The following FOXRED1 variants were observed in gnomAD, a reference collection of about 807,000 sequenced individuals.
FOXRED1 encodes the protein FAD dependent oxidoreductase domain containing 1.
In FOXRED1, 52 loss-of-function variants were observed where a neutral mutation model predicts 57.8. That is an observed-to-expected ratio of 0.90 (90% confidence interval 0.72 to 1.13). The LOEUF (loss-of-function observed/expected upper bound fraction) is 1.13. FOXRED1 is among the 50% of genes most tolerant of loss of function. FOXRED1 has a pLI of 0.00. For synonymous variants in FOXRED1, 271 were observed against 248.3 expected (o/e 1.09, Z -0.86); for missense variants, 589 against 625.2 (o/e 0.94, Z 0.62).
chr11:126,275,998 C>G lies in FOXRED1; in HGVS notation c.811-61C>G. 1 of 1,605,056 alleles carries G rather than the reference C, an allele frequency of 6.2e-7. No individual in the cohort carries two copies. The highest frequency in any genetic ancestry group is 8.5e-7 in the Non-Finnish European group (1 of 1,172,592). ...AACTAAGGCTCAGGAAGCAGTGCAT[C>G]TCTCAGGGTGCCTGGTGTGTGGTCC... On this transcript the variant is annotated intron_variant, in intron 7 of 10. Transcript: ENST00000263578. The surrounding 1 kb of genome is among the most constrained non-coding windows in gnomAD (Gnocchi z 5.9).
chr11:126,276,248 T>G (rs1188841074), intron 8 of FOXRED1, 29 bp downstream of exon 8: 11 of 1,098,820 alleles, frequency 1.0e-5, no homozygotes, highest in Admixed American at 3.9e-5. Flanking sequence ...GCTGAGGAGG[T>G]TGGTGAGAAA....
Position 126,272,428 on chromosome 11 carries a change from G to T in FOXRED1, c.307-541G>T. The T allele has an allele frequency of 1.4e-5, 3 of 210,440 alleles. No homozygotes were observed. Among genetic ancestry groups the T allele is most frequent in the Non-Finnish European group, 2.9e-5 (3 of 103,454 alleles). 13.0% of individuals were successfully genotyped at this position (210,440 alleles called of 1,614,324 possible). A position where few individuals can be genotyped will look rare whatever the true frequency, so the allele number is the denominator to read the frequency against. ...CCACCTTAGCCTCCAGAGTAGCTGG[G>T]ACCACAGGCATGCACCACCACACCT... On this transcript the variant is annotated intron_variant, in intron 2 of 10. Coordinates refer to ENST00000263578, the MANE Select transcript of FOXRED1 (RefSeq NM_017547.4). This position sits in a 1 kb window ranked among gnomAD's most constrained non-coding sequence, Gnocchi z 4.6.
chr11:126,273,004 GA>G lies in FOXRED1; in HGVS notation c.343del (p.Ile115PhefsTer30). 1 of 1,607,726 alleles carries G rather than the reference GA, an allele frequency of 6.2e-7. No homozygotes were observed. The highest frequency in any genetic ancestry group is 2.2e-5 in the East Asian group (1 of 44,866). On this transcript the variant is annotated frameshift_variant, in exon 3 of 11. Transcript: ENST00000263578. LOFTEE classifies it high-confidence loss of function. This position sits in a 1 kb window ranked among gnomAD's most constrained non-coding sequence, Gnocchi z 5.9. ...CCTCCACTGGGCTCTCAGTAGGTGG[GA>G]TTTGTCAGCAGTTCTCATTGCCTGA... ...QASTGLSVGG[I>X]CQQFSLPENI... is the part of the protein sequence containing the mutation.
At position 126,277,757 on chromosome 11, in the gene FOXRED1, T is replaced by A. The variant is rs1282423515; in HGVS notation, c.*68T>A. 6.5e-7 allele frequency: 1 copy of A among 1,546,726 alleles called. No homozygotes were observed. Among genetic ancestry groups the A allele is most frequent in the East Asian group, 2.2e-5 (1 of 44,572 alleles). On this transcript the variant is annotated 3_prime_UTR_variant, in exon 11 of 11. Coordinates refer to ENST00000263578, the MANE Select transcript of FOXRED1 (RefSeq NM_017547.4). The surrounding 1 kb of genome is among the most constrained non-coding windows in gnomAD (Gnocchi z 6.8). ...TGTGTTCACAGCCTTGTTTGCTGCTTCCATCTTCCCCAGTACTGTGCCAGG... is the reference window on the plus strand; with the variant it reads ...TGTGTTCACAGCCTTGTTTGCTGCTACCATCTTCCCCAGTACTGTGCCAGG...
chr11:126,270,206 C>T (rs939458115), intron 1 of FOXRED1, among the ~76,000 whole-genome samples: 1 of 152,112 alleles, frequency 6.6e-6, no homozygotes, highest in African/African-American at 2.4e-5. Flanking sequence ...CAAAAGCCAT[C>T]TAGATAGACG....
In FOXRED1 at chr11:126,275,511, G is replaced by T. The variant is rs544941579; in HGVS notation, c.733+83G>T. The stretch of plus-strand genomic sequence containing the variant: ...CTTCTCACTCACAAGCTAAGCAAGG[G>T]CTGGAGGGGGAAAGGGGTCTCCCTG... On this transcript the variant is annotated intron_variant, in intron 6 of 10. Coordinates refer to ENST00000263578, the MANE Select transcript of FOXRED1 (RefSeq NM_017547.4). This position sits in a 1 kb window ranked among gnomAD's most constrained non-coding sequence, Gnocchi z 5.9. 2.1e-4 allele frequency: 221 copies of T among 1,041,220 alleles called. 2 individuals are homozygous for T. In the South Asian group the frequency reaches 2.7e-3, roughly 13 times the overall value. 64.5% of individuals were successfully genotyped at this position (1,041,220 alleles called of 1,614,324 possible). A position where few individuals can be genotyped will look rare whatever the true frequency, so the allele number is the denominator to read the frequency against.
Position 126,272,601 on chromosome 11 carries a change from C to A in FOXRED1, c.307-368C>A. ...GCCACCCACCCGGCTGGTTTTTACA[C>A]TTTAGGTGTTCCTGTTTGCATTGCC... On this transcript the variant is annotated intron_variant, in intron 2 of 10. Transcript: ENST00000263578. This position sits in a 1 kb window ranked among gnomAD's most constrained non-coding sequence, Gnocchi z 4.6. The A allele has an allele frequency of 2.9e-6, 1 of 350,540 alleles. No homozygotes were observed. The highest frequency in any genetic ancestry group is 5.5e-6 in the Non-Finnish European group (1 of 182,584). The allele number at this position is 350,540 out of a possible 1,614,324, so 21.7% of individuals were successfully genotyped here. A position where few individuals can be genotyped will look rare whatever the true frequency, so the allele number is the denominator to read the frequency against.
chr11:126,271,314 C>T lies in FOXRED1; in HGVS notation c.86-123C>T. The T allele has an allele frequency of 1.3e-6, 1 of 751,178 alleles. No individual in the cohort carries two copies. The highest frequency in any genetic ancestry group is 2.4e-6 in the Non-Finnish European group (1 of 417,358). The allele number at this position is 751,178 out of a possible 1,614,324, so 46.5% of individuals were successfully genotyped here. ...GTGCAAGGTGACCTTATGAGATGGG[C>T]TGACAGTGGGGACTGCCAACTCATG... On this transcript the variant is annotated intron_variant, in intron 1 of 10. Transcript: ENST00000263578. This position sits in a 1 kb window ranked among gnomAD's most constrained non-coding sequence, Gnocchi z 5.3.
rs371378786 is a variant in FOXRED1, at chr11:126,278,126, C to T, written c.*437C>T. On this transcript the variant is annotated 3_prime_UTR_variant, in exon 11 of 11. Transcript: ENST00000263578. The surrounding 1 kb of genome is among the most constrained non-coding windows in gnomAD (Gnocchi z 4.8). ...AATCAATACATGTAATTAACTCCTT[C>T]CCTCCAGTCTTCTGTCTCTTCTTTT... The T allele has an allele frequency of 2.2e-6, 1 of 458,936 alleles. No homozygotes were observed. The highest frequency in any genetic ancestry group is 1.5e-5 in the South Asian group (1 of 64,526). The allele number at this position is 458,936 out of a possible 1,614,324, so 28.4% of individuals were successfully genotyped here. A position where few individuals can be genotyped will look rare whatever the true frequency, so the allele number is the denominator to read the frequency against.
chr11:126,271,334 C>T lies in FOXRED1; in HGVS notation c.86-103C>T, dbSNP rs896286954. The stretch of plus-strand genomic sequence containing the variant: ...ATGGGCTGACAGTGGGGACTGCCAA[C>T]TCATGTGTCTGTTTAGCTCACCTTT... On this transcript the variant is annotated intron_variant, in intron 1 of 10. Coordinates refer to ENST00000263578, the MANE Select transcript of FOXRED1 (RefSeq NM_017547.4). This position sits in a 1 kb window ranked among gnomAD's most constrained non-coding sequence, Gnocchi z 5.3. 2 of 844,938 alleles carry T rather than the reference C, an allele frequency of 2.4e-6. No individual in the cohort carries two copies. Among genetic ancestry groups the T allele is most frequent in the African/African-American group, 3.3e-5 (2 of 60,402 alleles). The allele number at this position is 844,938 out of a possible 1,614,324, so 52.3% of individuals were successfully genotyped here.
rs754761356 is a variant in FOXRED1, at chr11:126,274,975, C to T, written c.585C>T (p.Asn195=). ...VSLMSPDQLR[N]KFPWINTEGV... ...TGATGTCTCCTGATCAGCTTCGGAA[C>T]AAGTTTCCCTGGATAAACACAGAGG... Residue 195 remains asparagine (N), a synonymous_variant, in exon 5 of 11, where the codon AAC becomes AAT. Coordinates refer to ENST00000263578, the MANE Select transcript of FOXRED1 (RefSeq NM_017547.4). This position sits in a 1 kb window ranked among gnomAD's most constrained non-coding sequence, Gnocchi z 4.8. The T allele has an allele frequency of 1.2e-6, 2 of 1,613,830 alleles. No homozygotes were observed. Among genetic ancestry groups the T allele is most frequent in the South Asian group, 1.1e-5 (1 of 91,076 alleles).
At position 126,273,070 on chromosome 11, in the gene FOXRED1, G is replaced by T. The variant is rs1334868404; in HGVS notation, c.408G>T (p.Arg136=). The T allele has an allele frequency of 1.3e-6, 2 of 1,552,790 alleles. No individual in the cohort carries two copies. Among genetic ancestry groups the T allele is most frequent in the African/African-American group, 2.7e-5 (2 of 73,752 alleles). Residue 136 remains arginine, a synonymous_variant, in exon 3 of 11, where the codon CGG becomes CGT. Transcript: ENST00000263578. This position sits in a 1 kb window ranked among gnomAD's most constrained non-coding sequence, Gnocchi z 5.9. ...CCCTCTTTTCAGCCAGCTTTCTACGGAACATCAATGTAGGTGCAATGATAT... is the reference window on the plus strand; with the variant it reads ...CCCTCTTTTCAGCCAGCTTTCTACGTAACATCAATGTAGGTGCAATGATAT... The part of the protein sequence containing the change: ...QLSLFSASFL[R]NINEYLAVVD...
intron 9 of FOXRED1, 119 bp downstream of exon 9, chr11:126,276,642 A>C (rs1333134711): frequency 2.7e-6 from 3 of 1,113,390 alleles, no homozygotes; most frequent in Non-Finnish European, 4.0e-6. Flanking sequence ...TTGGGAGGCC[A>C]AGGCAGGTGG....
Position 126,275,804 on chromosome 11 carries a change from T to C in FOXRED1, c.744T>C (p.Ser248=), listed in dbSNP as rs1265292414. 2 of 1,611,004 alleles carry C rather than the reference T, an allele frequency of 1.2e-6. No homozygotes were observed. Among genetic ancestry groups the C allele is most frequent in the Admixed American group, 1.7e-5 (1 of 60,020 alleles). The part of the protein sequence containing the change: ...FCQGEVTRFV[S]SSQRMLTTDD... ...TTTTCTTCTCTGCAGGTTTTGTCTCTTCATCTCAACGCATGTTGACCACAG... is the reference window on the plus strand; with the variant it reads ...TTTTCTTCTCTGCAGGTTTTGTCTCCTCATCTCAACGCATGTTGACCACAG... Residue 248 remains serine (S), a synonymous_variant, in exon 7 of 11, where the codon TCT becomes TCC. Transcript: ENST00000263578. This position sits in a 1 kb window ranked among gnomAD's most constrained non-coding sequence, Gnocchi z 5.9.
At position 126,277,641 on chromosome 11, in the gene FOXRED1, T is replaced by G. The variant is rs1064796894; in HGVS notation, c.1413T>G (p.Phe471Leu). The G allele has an allele frequency of 5.6e-6, 9 of 1,613,780 alleles. No homozygotes were observed. Among genetic ancestry groups the G allele is most frequent in the Non-Finnish European group, 7.6e-6 (9 of 1,179,988 alleles). Residue 471 changes from phenylalanine to leucine, a missense_variant, in exon 11 of 11, where the codon TTT becomes TTG. By Grantham distance (22) the Phe-to-Leu change is conservative. Coordinates refer to ENST00000263578, the MANE Select transcript of FOXRED1 (RefSeq NM_017547.4). The surrounding 1 kb of genome is among the most constrained non-coding windows in gnomAD (Gnocchi z 6.8). ...FQTIDLSPFL[F>L]TRFYLGEKIQ... ...CCATCGACCTGAGCCCCTTCCTCTT[T>G]ACCCGCTTTTACTTGGGAGAGAAGA...
chr11:126,274,798 G>C lies in FOXRED1; in HGVS notation c.537-129G>C. ...AGCCGCTCAGCAATGAGGAAAAATAGGGGCATTTGGGGCAGAGAAGTGACA... is the reference window on the plus strand; with the variant it reads ...AGCCGCTCAGCAATGAGGAAAAATACGGGCATTTGGGGCAGAGAAGTGACA... On this transcript the variant is annotated intron_variant, in intron 4 of 10. Transcript: ENST00000263578. This position sits in a 1 kb window ranked among gnomAD's most constrained non-coding sequence, Gnocchi z 4.8. The C allele has an allele frequency of 1.3e-6, 1 of 751,466 alleles. No individual in the cohort carries two copies. Among genetic ancestry groups the C allele is most frequent in the South Asian group, 1.4e-5 (1 of 71,348 alleles). The allele number at this position is 751,466 out of a possible 1,614,324, so 46.5% of individuals were successfully genotyped here.
At position 126,271,676 on chromosome 11, in the gene FOXRED1, CAG is replaced by C. The variant is rs1490592898; in HGVS notation, c.306+22_306+23del. 1 of 1,591,378 alleles carries C rather than the reference CAG, an allele frequency of 6.3e-7. No homozygotes were observed. Among genetic ancestry groups the C allele is most frequent in the Non-Finnish European group, 8.6e-7 (1 of 1,160,428 alleles). On this transcript the variant is annotated intron_variant, in intron 2 of 10. Coordinates refer to ENST00000263578, the MANE Select transcript of FOXRED1 (RefSeq NM_017547.4). The surrounding 1 kb of genome is among the most constrained non-coding windows in gnomAD (Gnocchi z 5.3). ...CCACACGGTGAGGTCTGGGGTAGGG[CAG>C]AGTCATGAGTGGGGCAAGAAAGATG... is the stretch of plus-strand genomic sequence containing the variant.
rs1158601980 is a variant in FOXRED1, at chr11:126,272,819, C to T, written c.307-150C>T. 1.6e-5 allele frequency: 11 copies of T among 695,252 alleles called. No homozygotes were observed. The highest frequency in any genetic ancestry group is 2.9e-5 in the Non-Finnish European group (11 of 378,866). The allele number at this position is 695,252 out of a possible 1,614,324, so 43.1% of individuals were successfully genotyped here. ...TAATGATTTTAAACACCATTGCCTT[C>T]AAGTTGACTTACACATGGGTCTTAG... On this transcript the variant is annotated intron_variant, in intron 2 of 10. Transcript: ENST00000263578. The surrounding 1 kb of genome is among the most constrained non-coding windows in gnomAD (Gnocchi z 4.6).
Position 126,277,884 on chromosome 11 carries a change from A to G in FOXRED1, c.*195A>G, listed in dbSNP as rs1413212839. ...AGGCCGAGGCCAATAGCGAGTGATG[A>G]GCGGGATCCTAGGACTGATCTGTAG... On this transcript the variant is annotated 3_prime_UTR_variant, in exon 11 of 11. Transcript: ENST00000263578. This position sits in a 1 kb window ranked among gnomAD's most constrained non-coding sequence, Gnocchi z 6.8. 1.4e-6 allele frequency: 1 copy of G among 704,190 alleles called. No homozygotes were observed. Among genetic ancestry groups the G allele is most frequent in the East Asian group, 2.7e-5 (1 of 37,024 alleles). The allele number at this position is 704,190 out of a possible 1,614,324, so 43.6% of individuals were successfully genotyped here. A position where few individuals can be genotyped will look rare whatever the true frequency, so the allele number is the denominator to read the frequency against.
Sources: allele counts gnomAD v4.1 joint callset (sites outside exome capture counted in the v4.1 genomes callset), GRCh38; gene constraint gnomAD v4.1.1; non-coding constraint Gnocchi (gnomAD v3.1); transcripts MANE v1.5; gene names NCBI Gene and HGNC (gene_info 2026-07-23, HGNC 2026-07-21).